Variants in UTP20 observed in about 807,000 individuals in gnomAD.
UTP20 encodes UTP20 small subunit processome component.
UTP20 carries 164 observed loss-of-function variants against 329.5 expected under a neutral mutation model. That is an observed-to-expected ratio of 0.50 (90% CI 0.44 to 0.57). The LOEUF (loss-of-function observed/expected upper bound fraction) is 0.57. Among genes scored for constraint, UTP20 ranks in the 20% least tolerant of loss-of-function variants. UTP20 has a pLI of 0.00. For missense variants in UTP20, 3,055 were observed against 3,284.2 expected (o/e 0.93, Z 1.71); for synonymous variants, 1,151 against 1,159.3 (o/e 0.99, Z 0.14).
At chr12:101,308,385 T>C in intron 18 of UTP20, 42 bp downstream of exon 18, 1 of 1,344,316 alleles carries the variant, frequency 7.4e-7, no homozygotes, top group Non-Finnish European at 9.6e-7. Flanking sequence ...TAATTCATGC[T>C]TTAAATCCTG....
rs762000445 is a variant in UTP20, at chr12:101,385,566, T to G, written c.8057-17T>G. 5 of 1,603,990 alleles carry G rather than the reference T, an allele frequency of 3.1e-6. No homozygotes were observed. In the East Asian group the frequency reaches 1.1e-4, roughly 36 times the overall value. The stretch of plus-strand genomic sequence containing the variant: ...TTTCCTACCTGTCTCTGATCATTAC[T>G]CTTTGTGTGTGATTAGATCCTTTGC... On this transcript the variant is annotated splice_polypyrimidine_tract_variant and intron_variant, in intron 60 of 61. Transcript: ENST00000261637.
Position 101,299,803 on chromosome 12 carries a change from T to A in UTP20, c.1552T>A (p.Ser518Thr). The change falls in exon 13 of 62, where the codon TCT (serine) becomes ACT (threonine). Residue 518 changes from serine to threonine, a missense_variant. Ser to Thr is a moderately conservative substitution (Grantham distance 58). Around this residue, in one of 3 missense-constraint regions of UTP20, gnomAD observed 2,445 missense variants for 2,575.5 expected, o/e 0.95. Coordinates refer to ENST00000261637, the MANE Select transcript of UTP20 (RefSeq NM_014503.3). ...PNKDTTYLSQ[S>T]WAALVVLPHI... ...TAAAGATACTACTTACCTTTCACAA[T>A]CTTGGGCAGCCCTCGTGGTGTTACC... The A allele has an allele frequency of 6.2e-7, 1 of 1,611,280 alleles. No homozygotes were observed. The highest frequency in any genetic ancestry group is 8.5e-7 in the Non-Finnish European group (1 of 1,179,288).
intron 17 of UTP20, among the ~76,000 whole-genome samples, 184 bp downstream of exon 17, chr12:101,306,945 G>A (rs1043119206): frequency 5.3e-5 from 8 of 152,018 alleles, no homozygotes; most frequent in South Asian, 2.1e-4. Context: ...AGGCCGAGGC[G>A]GGCGGATCAC....
At chr12:101,340,850 C>T (rs1425115888) in intron 32 of UTP20, among the ~76,000 whole-genome samples, 2 of 151,258 alleles carry the variant, frequency 1.3e-5, no homozygotes, top group Non-Finnish European at 2.9e-5. Flanking sequence ...GTACTAGCCC[C>T]TTTATTTCCC....
At chr12:101,324,174 T>A (rs907246378) in intron 25 of UTP20, among the ~76,000 whole-genome samples, 1 of 151,462 alleles carries the variant, frequency 6.6e-6, no homozygotes, top group Admixed American at 6.6e-5. Flanking sequence ...TAATAATAAT[T>A]TTTTTAAAAA....
At chr12:101,382,932 G>T in intron 58 of UTP20, 109 bp from the exon 59 acceptor site, 1 of 1,344,140 alleles carries the variant, frequency 7.4e-7, no homozygotes, top group South Asian at 1.6e-5. Context: ...TACCTAGTTT[G>T]TTTTTGTTTT....
At chr12:101,313,407 TCTTA>T (rs10582983) in intron 21 of UTP20, among the ~76,000 whole-genome samples, 77,849 of 151,286 alleles carry the variant, frequency 0.51, 21,448 homozygotes, top group East Asian at 0.94. Flanking sequence ...GGACTTTGGC[TCTTA>T]CTTTTGGTGA....
At chr12:101,285,191 A>T (rs1233530453) in intron 2 of UTP20, among the ~76,000 whole-genome samples, 1 of 152,224 alleles carries the variant, frequency 6.6e-6, no homozygotes, top group African/African-American at 2.4e-5. Flanking sequence ...CAGGAATGCC[A>T]TATTACTTCT....
At chr12:101,280,806 C>G (rs1030358949) in intron 1 of UTP20, among the ~76,000 whole-genome samples, 12 of 152,238 alleles carry the variant, frequency 7.9e-5, no homozygotes, top group African/African-American at 2.4e-4. Context: ...TGCTAGGTCC[C>G]CATGCTTATG....
chr12:101,382,801 C>G (rs190813465), intron 58 of UTP20, among the ~76,000 whole-genome samples: 216 of 150,872 alleles, frequency 1.4e-3, no homozygotes, highest in African/African-American at 4.8e-3. Context: ...CACAGTGAGC[C>G]GAGATTGCAC....
intron 41 of UTP20, among the ~76,000 whole-genome samples, chr12:101,355,903 C>T (rs558541619): frequency 1.3e-5 from 2 of 151,896 alleles, no homozygotes; most frequent in African/African-American, 2.4e-5. Flanking sequence ...CAGTTCCCAC[C>T]GACACACGTT....
intron 21 of UTP20, among the ~76,000 whole-genome samples, chr12:101,313,481 AT>A (rs1317524690): frequency 2.6e-5 from 4 of 152,088 alleles, no homozygotes; most frequent in Admixed American, 2.6e-4. Flanking sequence ...TTTCTTAAGG[AT>A]TTTTATGGCT....
At chr12:101,339,052 C>A (rs1477262969) in intron 31 of UTP20, 95 bp downstream of exon 31, 1 of 1,304,432 alleles carries the variant, frequency 7.7e-7, no homozygotes, top group African/African-American at 1.5e-5. Context: ...GTGGCTCACA[C>A]CTGTAATCCC....
intron 25 of UTP20, among the ~76,000 whole-genome samples, chr12:101,325,613 A>G (rs1169250443): frequency 6.6e-6 from 1 of 152,250 alleles, no homozygotes. Context: ...GGAAGAATGC[A>G]TAAAATACTT....
chr12:101,370,768 G>A (rs1441067829), intron 50 of UTP20, among the ~76,000 whole-genome samples: 5 of 152,068 alleles, frequency 3.3e-5, no homozygotes, highest in East Asian at 1.9e-4. Flanking sequence ...TAACATTTCC[G>A]GGGAATTCTG....
At chr12:101,379,065 C>T (rs1870563949) in intron 56 of UTP20, among the ~76,000 whole-genome samples, 2 of 152,190 alleles carry the variant, frequency 1.3e-5, no homozygotes, top group Non-Finnish European at 2.9e-5. Context: ...CATTTATTCT[C>T]TCTTTGTGTT....
chr12:101,298,855 AT>A (rs1206411803), intron 12 of UTP20, among the ~76,000 whole-genome samples: 1 of 151,096 alleles, frequency 6.6e-6, no homozygotes, highest in Non-Finnish European at 1.5e-5. Flanking sequence ...TTTTTGGAGA[AT>A]TTTTTTTCTT....
intron 60 of UTP20, among the ~76,000 whole-genome samples, chr12:101,385,097 C>CAAAAAAA (rs35335261): frequency 5.3e-5 from 6 of 114,124 alleles, no homozygotes; most frequent in African/African-American, 1.7e-4. Flanking sequence ...ACTCCCCCGC[C>CAAAAAAA]AAAAAAAAAA....
At chr12:101,317,731 G>A (rs757856233) in intron 22 of UTP20, 68 bp downstream of exon 22, 59 of 1,443,788 alleles carry the variant, frequency 4.1e-5, no homozygotes, top group South Asian at 5.7e-5. Flanking sequence ...GGTCTCTTAC[G>A]GCTTTATACA....
Sources: allele counts gnomAD v4.1 joint callset (sites outside exome capture counted in the v4.1 genomes callset), GRCh38; gene constraint gnomAD v4.1.1; regional missense constraint gnomAD v4.1.1; transcripts MANE v1.5; gene names NCBI Gene and HGNC (gene_info 2026-07-23, HGNC 2026-07-21).